Variants in ICA1L observed in about 807,000 individuals in gnomAD.
ICA1L encodes the protein islet cell autoantigen 1 like, also known as islet cell autoantigen 1-like protein.
A neutral mutation model predicts 61.3 loss-of-function variants in ICA1L; 50 were observed. The observed-to-expected ratio is 0.82, with a 90% CI of 0.65 to 1.03. The LOEUF (loss-of-function observed/expected upper bound fraction) is 1.03, where lower values mean the gene tolerates loss of function less well. Ranked by LOEUF, ICA1L falls within the 50% of genes least tolerant of loss-of-function variation. The probability of loss-of-function intolerance (pLI) is 0.00; values close to 1 mark genes in which losing one functional copy is unlikely to be tolerated. For synonymous variants in ICA1L, 161 were observed against 191.3 expected (o/e 0.84, Z 1.31); for missense variants, 508 against 556.7 (o/e 0.91, Z 0.88).
At chr2:202,833,081 A>G (rs1574363655) in intron 1 of ICA1L, among the ~76,000 whole-genome samples, 1 of 150,130 alleles carries the variant, frequency 6.7e-6, no homozygotes, top group African/African-American at 2.4e-5. Flanking sequence ...AAATCTATAT[A>G]GGGAAAAAAA....
intron 9 of ICA1L, among the ~76,000 whole-genome samples, chr2:202,811,435 G>A (rs576066109): frequency 1.4e-4 from 22 of 151,990 alleles, no homozygotes; most frequent in African/African-American, 4.6e-4. Context: ...TGGGCGGATC[G>A]GATCACAAGG....
rs771958903 is a variant in ICA1L at position 202,779,668 on chromosome 2, A to ATACAT, written c.1334-25_1334-21dup. The ATACAT allele has an allele frequency of 2.3e-5, 32 of 1,379,334 alleles. No individual in the cohort carries two copies. The highest frequency in any genetic ancestry group is 1.8e-4 in the Middle Eastern group (1 of 5,594). The allele number at this position is 1,379,334 out of a possible 1,614,324, so 85.4% of individuals were successfully genotyped here. On this transcript the variant is annotated intron_variant, in intron 12 of 12. Coordinates refer to ENST00000358299, the MANE Select transcript of ICA1L (RefSeq NM_001288622.3). ...TGGGGGCTATTAAAAAAGAAAAAAA[A>ATACAT]TACATTAAAGAGATTCAGTTTTGAA...
chr2:202,862,493 A>G (rs1466731242), intron 1 of ICA1L, among the ~76,000 whole-genome samples: 6 of 152,188 alleles, frequency 3.9e-5, no homozygotes, highest in East Asian at 3.9e-4. Context: ...ACAGGAATCA[A>G]TATCAATTGG....
chr2:202,804,121 C>T (rs764140280), intron 9 of ICA1L, among the ~76,000 whole-genome samples: 18 of 152,204 alleles, frequency 1.2e-4, no homozygotes, highest in Non-Finnish European at 2.4e-4. Context: ...CCTTGCACCT[C>T]ACCCAAGATA....
intron 1 of ICA1L, chr2:202,870,803 C>G (rs1687680831): frequency 6.6e-6 from 1 of 152,220 alleles, no homozygotes; most frequent in African/African-American, 2.4e-5. Context: ...TCATCTATTA[C>G]ACGAAAAATG....
rs900599126 is a variant in ICA1L at position 202,776,084 on chromosome 2, A to G, written c.*3449T>C. 6.6e-6 allele frequency: 1 copy of G among 152,250 alleles called. No homozygotes were observed. The highest frequency in any genetic ancestry group is 2.4e-5 in the African/African-American group (1 of 41,464). The allele number at this position is 152,250 out of a possible 1,614,324, so 9.4% of individuals were successfully genotyped here. ...ACCTCTACATTTCTAGATGGTCTAT[A>G]CAGATACGTGAAATATTTATAGTTA... On this transcript the variant is annotated 3_prime_UTR_variant, in exon 13 of 13. Transcript: ENST00000358299.
chr2:202,781,396 A>C (rs1692398390), intron 12 of ICA1L, among the ~76,000 whole-genome samples: 4 of 151,872 alleles, frequency 2.6e-5, no homozygotes. Flanking sequence ...AACATGGTGA[A>C]ACCCCTGTCT....
At chr2:202,784,126 A>G (rs370645570) in intron 12 of ICA1L, among the ~76,000 whole-genome samples, 1 of 152,210 alleles carries the variant, frequency 6.6e-6, no homozygotes, top group African/African-American at 2.4e-5. Context: ...ACCAGAATCA[A>G]TAATTTCAGT....
chr2:202,791,941 G>T (rs920955142), intron 10 of ICA1L, among the ~76,000 whole-genome samples: 3 of 152,122 alleles, frequency 2.0e-5, no homozygotes, highest in Admixed American at 2.0e-4. Flanking sequence ...GCTGAGGCAG[G>T]TGGATCACTT....
chr2:202,816,091 T>A (rs1693525499), intron 6 of ICA1L, 82 bp from the exon 7 acceptor site: 1 of 824,592 alleles, frequency 1.2e-6, no homozygotes, highest in East Asian at 2.9e-5. Context: ...ACTAGTTTAG[T>A]AGATGAACAG....
Position 202,779,014 on chromosome 2 carries a change from C to T in ICA1L, c.*519G>A, listed in dbSNP as rs1473624046. On this transcript the variant is annotated 3_prime_UTR_variant, in exon 13 of 13. Transcript: ENST00000358299. ...ACTGAGTTCTCAAATCTTACTCTCT[C>T]TAACCCAAAACAAAGCTGGTCTGGT... is the stretch of plus-strand genomic sequence containing the variant. 2 of 152,388 alleles carry T rather than the reference C, an allele frequency of 1.3e-5. No individual in the cohort carries two copies. The highest frequency in any genetic ancestry group is 2.9e-5 in the Non-Finnish European group (2 of 68,084). 9.4% of individuals were successfully genotyped at this position (152,388 alleles called of 1,614,324 possible).
rs186337241 is a variant in ICA1L at position 202,868,352 on chromosome 2, G to A, written c.-8+3267C>T. On this transcript the variant is annotated intron_variant, in intron 1 of 12. Transcript: ENST00000358299. Reference sequence around the variant, plus strand: ...AAAATTGGTGAGAATGTGAGTAACTGGAACTCATATATTGCTGATGAAAGC... The same window carrying A: ...AAAATTGGTGAGAATGTGAGTAACTAGAACTCATATATTGCTGATGAAAGC... 9.3e-4 allele frequency among the ~76,000 whole-genome samples: 141 copies of A among 152,272 alleles called. 1 individual carries two copies. The highest frequency in any genetic ancestry group is 2.0e-3 in the Admixed American group (31 of 15,280).
chr2:202,867,041 A>T (rs1687538123), intron 1 of ICA1L, among the ~76,000 whole-genome samples: 1 of 152,214 alleles, frequency 6.6e-6, no homozygotes, highest in Middle Eastern at 3.2e-3. Context: ...TATAAAAGAA[A>T]AAAAATCAAG....
chr2:202,863,219 G>A (rs887937364), intron 1 of ICA1L, among the ~76,000 whole-genome samples: 5 of 152,068 alleles, frequency 3.3e-5, no homozygotes, highest in Non-Finnish European at 7.4e-5. Context: ...TTGAACCCGG[G>A]AGGCGGAGGT....
chr2:202,781,299 A>G (rs1357635335), intron 12 of ICA1L, among the ~76,000 whole-genome samples: 1 of 152,048 alleles, frequency 6.6e-6, no homozygotes, highest in Admixed American at 6.6e-5. Context: ...ATGGCTGGGT[A>G]TGGTGGCTCA....
At chr2:202,867,613 T>G (rs1687554424) in intron 1 of ICA1L, among the ~76,000 whole-genome samples, 1 of 152,216 alleles carries the variant, frequency 6.6e-6, no homozygotes. Flanking sequence ...TAATGGCCAT[T>G]AAGCACATAA....
At chr2:202,805,432 T>TAAAA in intron 9 of ICA1L, among the ~76,000 whole-genome samples, 1 of 151,976 alleles carries the variant, frequency 6.6e-6, no homozygotes, top group East Asian at 1.9e-4. Flanking sequence ...AATATAGCCT[T>TAAAA]AAAGAAAGAA....
Position 202,849,030 on chromosome 2 carries a change from A to G in ICA1L, c.-7-20014T>C, listed in dbSNP as rs1384717539. Among the ~76,000 whole-genome samples, 2 of 152,078 alleles carry G rather than the reference A, an allele frequency of 1.3e-5. No individual in the cohort carries two copies. Among genetic ancestry groups the G allele is most frequent in the African/African-American group, 4.8e-5 (2 of 41,416 alleles). ...GGGCGTTGCCTCATCCAGGAAGTGC[A>G]AGGAGCTGGGGCCCTCCCTCCCCCA... On this transcript the variant is annotated intron_variant, in intron 1 of 12. Transcript: ENST00000358299. The surrounding 1 kb of genome is among the most constrained non-coding windows in gnomAD (Gnocchi z 4.5).
At chr2:202,790,777 G>A (rs1184512750) in intron 10 of ICA1L, among the ~76,000 whole-genome samples, 1 of 152,160 alleles carries the variant, frequency 6.6e-6, no homozygotes, top group Non-Finnish European at 1.5e-5. Context: ...CATGAAGAAA[G>A]AGGCAAGCCA....
Sources: allele counts gnomAD v4.1 joint callset (sites outside exome capture counted in the v4.1 genomes callset), GRCh38; gene constraint gnomAD v4.1.1; non-coding constraint Gnocchi (gnomAD v3.1); transcripts MANE v1.5; gene names NCBI Gene and HGNC (gene_info 2026-07-23, HGNC 2026-07-21).